Variants in DYM observed in about 807,000 individuals in gnomAD.
DYM encodes the protein dyggve-Melchior-Clausen syndrome protein.
In DYM, 78 loss-of-function variants were observed where a neutral mutation model predicts 93.1. The observed-to-expected ratio is 0.84, with a 90% CI of 0.70 to 1.01. The LOEUF (loss-of-function observed/expected upper bound fraction) is 1.01. Among genes scored for constraint, DYM ranks in the 50% least tolerant of loss-of-function variants. DYM has a pLI of 0.00. For missense variants in DYM, 789 were observed against 845.0 expected (o/e 0.93, Z 0.82); for synonymous variants, 321 against 319.7 (o/e 1.00, Z -0.04).
At chr18:49,246,757 C>T (rs1424409366) in intron 13 of DYM, among the ~76,000 whole-genome samples, 5 of 152,158 alleles carry the variant, frequency 3.3e-5, no homozygotes, top group Admixed American at 3.3e-4. Context: ...CATTATGACA[C>T]ATGTACAAAG....
chr18:49,290,284 GA>G (rs1212471823), intron 8 of DYM, among the ~76,000 whole-genome samples: 2 of 150,822 alleles, frequency 1.3e-5, no homozygotes, highest in South Asian at 2.1e-4. Context: ...ACCGTTAAGT[GA>G]AAAAAACAAG....
intron 5 of DYM, among the ~76,000 whole-genome samples, chr18:49,371,201 C>CA (rs1180976036): frequency 6.6e-6 from 1 of 152,122 alleles, no homozygotes; most frequent in African/African-American, 2.4e-5. Context: ...TTTGGAGCCT[C>CA]AAATAAGATC....
chr18:49,363,439 C>T (rs2066224667), intron 5 of DYM, among the ~76,000 whole-genome samples: 1 of 152,184 alleles, frequency 6.6e-6, no homozygotes, highest in African/African-American at 2.4e-5. Context: ...CCTTTCAACA[C>T]CTGCTGTTAA....
intron 17 of DYM, among the ~76,000 whole-genome samples, chr18:49,091,728 ATATTTATT>A (rs370531625): frequency 7.9e-5 from 12 of 151,888 alleles, no homozygotes; most frequent in Non-Finnish European, 1.3e-4. Context: ...CAGTGATTTA[ATATTTATT>A]TATTTATTTA....
chr18:49,205,631 G>C (rs1036957582), intron 14 of DYM, among the ~76,000 whole-genome samples: 4 of 152,140 alleles, frequency 2.6e-5, no homozygotes, highest in Admixed American at 6.5e-5. Context: ...ATCATCGGCT[G>C]TCAGGAATGG....
intron 5 of DYM, among the ~76,000 whole-genome samples, chr18:49,363,643 C>T (rs917877164): frequency 3.9e-5 from 6 of 152,212 alleles, no homozygotes; most frequent in Admixed American, 2.6e-4. Flanking sequence ...CCCTCCCCAA[C>T]AAATATCTGG....
intron 8 of DYM, among the ~76,000 whole-genome samples, chr18:49,295,617 A>C (rs1013663162): frequency 6.6e-6 from 1 of 152,160 alleles, no homozygotes; most frequent in African/African-American, 2.4e-5. Flanking sequence ...CTGCCTCTAG[A>C]CTAGTTTAGA....
chr18:49,106,351 CTT>C (rs2080807013), intron 16 of DYM, among the ~76,000 whole-genome samples: 2 of 152,100 alleles, frequency 1.3e-5, no homozygotes, highest in African/African-American at 2.4e-5. Context: ...GGTCTTGACT[CTT>C]TATCCAATTT....
intron 13 of DYM, among the ~76,000 whole-genome samples, chr18:49,211,644 A>T (rs1387205605): frequency 2.0e-5 from 3 of 152,234 alleles, no homozygotes; most frequent in African/African-American, 7.2e-5. Flanking sequence ...GTCAAGCAGT[A>T]ACTACTATCT....
intron 17 of DYM, among the ~76,000 whole-genome samples, chr18:49,089,283 T>G (rs2078837518): frequency 6.6e-6 from 1 of 152,058 alleles, no homozygotes; most frequent in Non-Finnish European, 1.5e-5. Flanking sequence ...GGAAGTTGAG[T>G]CAAAAGAGGG....
At chr18:49,218,691 T>C (rs2093200170) in intron 13 of DYM, among the ~76,000 whole-genome samples, 1 of 152,190 alleles carries the variant, frequency 6.6e-6, no homozygotes, top group African/African-American at 2.4e-5. Flanking sequence ...GAAAAAAAGA[T>C]GTTCTTTGAA....
chr18:49,375,679 C>T (rs954796494), intron 5 of DYM: 1 of 152,148 alleles, frequency 6.6e-6, no homozygotes, highest in Admixed American at 6.5e-5. Flanking sequence ...TATCGAGTGT[C>T]AACTTGATCG....
chr18:49,191,912 G>C (rs1320245811), intron 14 of DYM, among the ~76,000 whole-genome samples: 1 of 151,920 alleles, frequency 6.6e-6, no homozygotes, highest in Non-Finnish European at 1.5e-5. Context: ...TTGCAATACT[G>C]CTTTAATAGC....
chr18:49,265,529 A>C (rs2094555073), intron 11 of DYM, among the ~76,000 whole-genome samples: 1 of 152,214 alleles, frequency 6.6e-6, no homozygotes, highest in Non-Finnish European at 1.5e-5. Flanking sequence ...CTGTAATCCC[A>C]GCACTTTGGG....
At chr18:49,287,936 G>A (rs1306439709) in intron 8 of DYM, among the ~76,000 whole-genome samples, 1 of 151,440 alleles carries the variant, frequency 6.6e-6, no homozygotes, top group South Asian at 2.1e-4. Context: ...ATTACACTGT[G>A]CTATAAGTGT....
At chr18:49,319,174 T>C (rs538043383) in intron 8 of DYM, among the ~76,000 whole-genome samples, 1 of 152,318 alleles carries the variant, frequency 6.6e-6, no homozygotes, top group East Asian at 1.9e-4. Flanking sequence ...ACAGTTACTA[T>C]TGAAGACAAC....
chr18:49,410,151 G>A (rs1247997378), intron 2 of DYM, among the ~76,000 whole-genome samples: 1 of 152,086 alleles, frequency 6.6e-6, no homozygotes, highest in Non-Finnish European at 1.5e-5. Flanking sequence ...CTGCCGCTTA[G>A]AACTCCTGGG....
intron 3 of DYM, 55 bp downstream of exon 3, chr18:49,391,538 C>T (rs2147889300): frequency 2.0e-6 from 3 of 1,516,116 alleles, no homozygotes; most frequent in Non-Finnish European, 2.7e-6. Flanking sequence ...ATTATACTAT[C>T]AAAATCTAAA....
rs559946564 is a variant in DYM, at chr18:49,085,280, G to C, written c.2025+12122C>G. ...CCATCTCAAGTTTAACTTATCTAAT[G>C]CTAAAGAAAAGGTGACTTTAAGTGA... On this transcript the variant is annotated intron_variant, in intron 17 of 17. Transcript: ENST00000675505. Among the ~76,000 whole-genome samples the C allele has an allele frequency of 2.6e-5, 4 of 152,246 alleles. No individual in the cohort carries two copies. The South Asian group carries it at 8.3e-4, about 32-fold the overall frequency.
Sources: gnomAD v4.1 joint callset for allele counts (sites outside exome capture counted in the v4.1 genomes callset) on GRCh38, gnomAD v4.1.1 for gene constraint, MANE v1.5 for transcripts, NCBI Gene and HGNC (gene_info 2026-07-23, HGNC 2026-07-21) for gene names.